The following RARB variants were observed in gnomAD, a reference collection of about 807,000 sequenced individuals.
RARB encodes retinoic acid receptor beta, also known as HBV-activated protein.
A neutral mutation model predicts 51.9 loss-of-function variants in RARB; 17 were observed. The observed-to-expected ratio is 0.33, with a 90% CI of 0.22 to 0.49. RARB has a LOEUF of 0.49. Ranked by LOEUF, RARB falls within the 20% of genes least tolerant of loss-of-function variation. The pLI is 0.99. For synonymous variants in RARB, 215 were observed against 195.4 expected (o/e 1.10, Z -0.84); for missense variants, 369 against 550.8 (o/e 0.67, Z 3.30).
intron 1 of RARB, among the ~76,000 whole-genome samples, chr3:25,446,318 C>G (rs61061622): frequency 6.6e-6 from 1 of 152,168 alleles, no homozygotes; most frequent in Admixed American, 6.5e-5. Context: ...GGGCTGAAAA[C>G]TACACCAAAT....
At chr3:24,876,248 C>T (rs144298387) in intron 2 of RARB, among the ~76,000 whole-genome samples, 462 of 152,212 alleles carry the variant, frequency 3.0e-3, no homozygotes, top group African/African-American at 0.01. Flanking sequence ...ATGTAAATAT[C>T]CTGAATCTCT....
At chr3:25,088,037 G>C (rs1198554179) in intron 3 of RARB, among the ~76,000 whole-genome samples, 1 of 151,856 alleles carries the variant, frequency 6.6e-6, no homozygotes. Flanking sequence ...GGTTGTAAAG[G>C]ACAGCAGTTT....
intron 3 of RARB, among the ~76,000 whole-genome samples, chr3:25,514,757 C>T (rs1198573380): frequency 6.6e-6 from 1 of 152,100 alleles, no homozygotes; most frequent in African/African-American, 2.4e-5. Context: ...CATGATATGG[C>T]CCTTCCAAAG....
chr3:25,042,559 T>G (rs1698134221), intron 2 of RARB, among the ~76,000 whole-genome samples: 1 of 152,230 alleles, frequency 6.6e-6, no homozygotes, highest in Non-Finnish European at 1.5e-5. Flanking sequence ...ATTAGAGATA[T>G]GATATTAAAT....
At chr3:25,185,282 A>G (rs1292735767) in intron 5 of RARB, among the ~76,000 whole-genome samples, 1 of 152,190 alleles carries the variant, frequency 6.6e-6, no homozygotes, top group Non-Finnish European at 1.5e-5. Context: ...TCCAAGAAAT[A>G]CACAACATTT....
intron 5 of RARB, among the ~76,000 whole-genome samples, chr3:25,249,982 G>A (rs116274081): frequency 8.6e-4 from 68 of 79,140 alleles, no homozygotes; most frequent in South Asian, 1.6e-3. Context: ...TGGTGGGCTC[G>A]GTGGGTGGGA....
At chr3:25,450,699 A>C (rs747644050) in intron 1 of RARB, among the ~76,000 whole-genome samples, 5 of 152,122 alleles carry the variant, frequency 3.3e-5, no homozygotes, top group Non-Finnish European at 7.3e-5. Context: ...GCCTCTACCT[A>C]CTAGATGCCA....
intron 5 of RARB, among the ~76,000 whole-genome samples, chr3:25,407,228 G>T (rs546727121): frequency 3.3e-5 from 5 of 152,136 alleles, no homozygotes; most frequent in Non-Finnish European, 5.9e-5. Context: ...GATAGCTTCT[G>T]TAGACGTCAC....
At chr3:25,067,758 T>A (rs6550943) in intron 3 of RARB, among the ~76,000 whole-genome samples, 134,670 of 152,178 alleles carry the variant, frequency 0.88, 59,934 homozygotes, top group African/African-American at 0.97. Flanking sequence ...CCTGCACTTT[T>A]TAGGCTGTCA....
chr3:25,328,257 C>G lies in RARB; in HGVS notation c.179-132936C>G, dbSNP rs140687394. 6.1e-3 allele frequency among the ~76,000 whole-genome samples: 929 copies of G among 152,330 alleles called. 9 individuals are homozygous for G. The highest frequency in any genetic ancestry group is 0.021 in the African/African-American group (891 of 41,580). On this transcript the variant is annotated intron_variant, in intron 5 of 11. Coordinates refer to the RARB transcript ENST00000383772. Reference sequence around the variant, plus strand: ...CCTCTAGGCCGGGTGCAGTGGCTTACGCCTGTAATCCCAACACTTTGAAAG... The same window carrying G: ...CCTCTAGGCCGGGTGCAGTGGCTTAGGCCTGTAATCCCAACACTTTGAAAG...
chr3:24,975,031 T>A (rs1696481787), intron 2 of RARB, among the ~76,000 whole-genome samples: 1 of 152,190 alleles, frequency 6.6e-6, no homozygotes, highest in African/African-American at 2.4e-5. Context: ...ACTTAGGCAG[T>A]GAATTTTAAA....
intron 5 of RARB, among the ~76,000 whole-genome samples, chr3:25,320,822 T>C (rs146015527): frequency 6.6e-6 from 1 of 152,238 alleles, no homozygotes; most frequent in Non-Finnish European, 1.5e-5. Flanking sequence ...CATCGGCTCC[T>C]GCTTCCTTCA....
chr3:25,226,777 A>G (rs1183285089), intron 5 of RARB, among the ~76,000 whole-genome samples: 1 of 152,142 alleles, frequency 6.6e-6, no homozygotes, highest in Non-Finnish European at 1.5e-5. Context: ...ACACAAGGAG[A>G]CACATTAGAA....
At chr3:25,163,759 C>T (rs182320469) in intron 4 of RARB, among the ~76,000 whole-genome samples, 32 of 152,118 alleles carry the variant, frequency 2.1e-4, no homozygotes, top group Non-Finnish European at 4.1e-4. Context: ...ACCAAAGTCA[C>T]AGGCATACTT....
At chr3:25,421,537 G>A (rs770697441) in intron 5 of RARB, among the ~76,000 whole-genome samples, 181 of 144,772 alleles carry the variant, frequency 1.3e-3, no homozygotes, top group Non-Finnish European at 1.9e-3. Context: ...TTAGCCTCCC[G>A]CGTAGCTGGG....
At chr3:24,950,613 A>T (rs1250607812) in intron 2 of RARB, among the ~76,000 whole-genome samples, 1 of 152,096 alleles carries the variant, frequency 6.6e-6, no homozygotes, top group African/African-American at 2.4e-5. Flanking sequence ...CAGAGATGGG[A>T]ACCATTGTTG....
At chr3:25,032,166 G>A (rs1329649512) in intron 2 of RARB, among the ~76,000 whole-genome samples, 3 of 152,128 alleles carry the variant, frequency 2.0e-5, no homozygotes, top group Non-Finnish European at 4.4e-5. Context: ...TGCTACTATA[G>A]TAGCCAGTGT....
chr3:24,832,586 T>C (rs1702295545), intron 1 of RARB, among the ~76,000 whole-genome samples: 1 of 137,858 alleles, frequency 7.3e-6, no homozygotes, highest in African/African-American at 2.8e-5. Flanking sequence ...GATTCAAGGA[T>C]GAGTTAGACT....
intron 3 of RARB, among the ~76,000 whole-genome samples, chr3:25,069,682 A>G (rs1020336013): frequency 2.0e-5 from 3 of 152,210 alleles, no homozygotes; most frequent in Admixed American, 6.5e-5. Context: ...TTTATCTGGC[A>G]TATGTCAAGA....
Sources: gnomAD v4.1 joint callset for allele counts (sites outside exome capture counted in the v4.1 genomes callset) on GRCh38, gnomAD v4.1.1 for gene constraint, MANE v1.5 for transcripts, NCBI Gene and HGNC (gene_info 2026-07-23, HGNC 2026-07-21) for gene names.